The following CUX1 variants were observed in gnomAD, a reference collection of about 807,000 sequenced individuals.
CUX1 encodes the protein protein CASP.
Under a neutral mutation model 158.8 loss-of-function variants are expected in CUX1, and 31 were observed. The ratio of observed to expected loss-of-function variants is 0.20; its 90% CI spans 0.15 to 0.26. The LOEUF (loss-of-function observed/expected upper bound fraction) is 0.26. Ranked by LOEUF, CUX1 falls within the 10% of genes least tolerant of loss-of-function variation. The pLI is 1.00. For synonymous variants in CUX1, 879 were observed against 862.1 expected (o/e 1.02, Z -0.34); for missense variants, 1,589 against 2,014.6 (o/e 0.79, Z 4.04).
chr7:102,196,939 G>A lies in CUX1; in HGVS notation c.1528G>A (p.Gly510Ser). 6.2e-7 allele frequency: 1 copy of A among 1,614,188 alleles called. No homozygotes were observed. Among genetic ancestry groups the A allele is most frequent in the Non-Finnish European group, 8.5e-7 (1 of 1,180,046 alleles). ...AAGCACAAGCATGATTTTTTCAACA[G>A]GTCCATACAGCACAAACTCCATATC... Reference protein sequence around the residue: ...AGSTSMIFSTGPYSTNSISSQ... With the variant: ...AGSTSMIFSTSPYSTNSISSQ... Residue 510 changes from glycine (G) to serine (S), a missense_variant, in exon 15 of 24, where the codon GGT becomes AGT. By Grantham distance (56) the Gly-to-Ser change is moderately conservative (BLOSUM62 0). Transcript: ENST00000292535.
intron 10 of CUX1, 49 bp downstream of exon 10, chr7:102,170,599 C>T: frequency 1.5e-6 from 2 of 1,309,704 alleles, no homozygotes; most frequent in Non-Finnish European, 2.1e-6. Flanking sequence ...GGCCTCCGCA[C>T]CTTCGAGTTA....
chr7:102,225,910 C>T lies in CUX1; in HGVS notation c.3131-1457C>T, dbSNP rs1425755251. On this transcript the variant is annotated intron_variant, in intron 20 of 23. Coordinates refer to ENST00000292535, the MANE Select transcript of CUX1 (RefSeq NM_181552.4). ...CACTGTGGGGTCTTACTCTGTGTCA[C>T]CCTCAGTGGGCATCAGGGGAGAGAT... Among the ~76,000 whole-genome samples the T allele has an allele frequency of 2.6e-5, 4 of 152,366 alleles. No homozygotes were observed. The South Asian group carries it at 6.2e-4, about 24-fold the overall frequency.
At chr7:101,857,861 G>A (rs1054173095) in intron 1 of CUX1, among the ~76,000 whole-genome samples, 11 of 152,112 alleles carry the variant, frequency 7.2e-5, no homozygotes, top group African/African-American at 2.4e-4. Context: ...GGTGGCTCAC[G>A]CCTGTAATCC....
chr7:102,177,648 G>A (rs1554512400), intron 10 of CUX1, among the ~76,000 whole-genome samples: 2 of 151,878 alleles, frequency 1.3e-5, no homozygotes, highest in African/African-American at 4.8e-5. Flanking sequence ...ACGCTCAGCA[G>A]CCCCTCCCCA....
intron 1 of CUX1, among the ~76,000 whole-genome samples, chr7:101,893,785 C>T (rs2131668744): frequency 6.6e-6 from 1 of 152,298 alleles, no homozygotes; most frequent in Non-Finnish European, 1.5e-5. Context: ...AAAAGTGCAT[C>T]TCATGCAGAT....
At chr7:102,064,872 C>G (rs372182374) in intron 3 of CUX1, among the ~76,000 whole-genome samples, 1 of 152,170 alleles carries the variant, frequency 6.6e-6, no homozygotes, top group East Asian at 1.9e-4. Context: ...GAACCCAGCT[C>G]GAGGTCTGGA....
chr7:102,073,766 C>A (rs1464128255), intron 4 of CUX1, among the ~76,000 whole-genome samples: 1 of 151,828 alleles, frequency 6.6e-6, no homozygotes, highest in Non-Finnish European at 1.5e-5. Context: ...TATTATGATT[C>A]TTATTATTAC....
intron 1 of CUX1, among the ~76,000 whole-genome samples, chr7:101,828,405 C>G (rs1467983560): frequency 6.6e-6 from 1 of 152,208 alleles, no homozygotes; most frequent in Admixed American, 6.5e-5. Flanking sequence ...AAAAGATCCA[C>G]ATTTTTAAAA....
chr7:101,917,627 T>G (rs1804373366), intron 2 of CUX1, among the ~76,000 whole-genome samples: 1 of 152,200 alleles, frequency 6.6e-6, no homozygotes, highest in South Asian at 2.1e-4. Context: ...CAGAACGTCC[T>G]TCTTCTGTTG....
chr7:101,975,512 G>T (rs1446903713), intron 2 of CUX1, among the ~76,000 whole-genome samples: 1 of 152,042 alleles, frequency 6.6e-6, no homozygotes. Context: ...AGCTATGATT[G>T]TGTCATGTAC....
chr7:101,956,665 G>A (rs188949205), intron 2 of CUX1, among the ~76,000 whole-genome samples: 1 of 152,308 alleles, frequency 6.6e-6, no homozygotes, highest in African/African-American at 2.4e-5. Flanking sequence ...AGTTAAAGCC[G>A]CCTGGGCACA....
At chr7:102,099,070 G>A (rs1216939837) in intron 5 of CUX1, among the ~76,000 whole-genome samples, 1 of 152,196 alleles carries the variant, frequency 6.6e-6, no homozygotes, top group African/African-American at 2.4e-5. Flanking sequence ...GATGATGTGT[G>A]AAGAGCCAGA....
intron 2 of CUX1, among the ~76,000 whole-genome samples, chr7:102,006,311 C>T (rs939495472): frequency 2.0e-5 from 3 of 152,214 alleles, no homozygotes; most frequent in Admixed American, 6.5e-5. Flanking sequence ...AGGCTCTCTG[C>T]TGACCACGCC....
chr7:101,853,435 C>T (rs767744469), intron 1 of CUX1, among the ~76,000 whole-genome samples: 3 of 152,138 alleles, frequency 2.0e-5, no homozygotes, highest in Non-Finnish European at 4.4e-5. Context: ...CCCAGTTGTG[C>T]GGCTAGACCC....
At chr7:102,240,147 C>A (rs1800033365) in intron 23 of CUX1, among the ~76,000 whole-genome samples, 1 of 152,126 alleles carries the variant, frequency 6.6e-6, no homozygotes, top group Admixed American at 6.5e-5. Flanking sequence ...TCTGCCATGA[C>A]CCAGAAAGAA....
At chr7:101,821,053 C>T (rs1468620606) in intron 1 of CUX1, among the ~76,000 whole-genome samples, 1 of 151,848 alleles carries the variant, frequency 6.6e-6, no homozygotes, top group African/African-American at 2.4e-5. Context: ...GTGTGTGTGC[C>T]GATAATGGAG....
chr7:101,922,679 C>G (rs1397857747), intron 2 of CUX1, among the ~76,000 whole-genome samples: 1 of 152,082 alleles, frequency 6.6e-6, no homozygotes, highest in Admixed American at 6.5e-5. Context: ...AGGGGGGATT[C>G]TAGAGCTTTG....
Position 102,258,040 on chromosome 7 carries a change from G to A in CUX1, c.*8998G>A. ...TTGACCTGGCTGGCGTGGGGGTGGG[G>A]GAGGCACCCGTCGGCCCCTTGGTGT... is the stretch of plus-strand genomic sequence containing the variant. On this transcript the variant is annotated 3_prime_UTR_variant, in exon 24 of 24. Transcript: ENST00000292535. The A allele has an allele frequency of 1.0e-6, 1 of 985,080 alleles. No individual in the cohort carries two copies. The highest frequency in any genetic ancestry group is 1.2e-6 in the Non-Finnish European group (1 of 829,856). 61.0% of individuals were successfully genotyped at this position (985,080 alleles called of 1,614,324 possible).
chr7:102,282,665 G>T, intron 21 of CUX1: 1 of 1,597,750 alleles, frequency 6.3e-7, no homozygotes, highest in Non-Finnish European at 8.5e-7. Context: ...GGCTGCAGGG[G>T]TGGCCTTGAG....
Sources: gnomAD v4.1 joint callset for allele counts (sites outside exome capture counted in the v4.1 genomes callset) on GRCh38, gnomAD v4.1.1 for gene constraint, MANE v1.5 for transcripts, NCBI Gene and HGNC (gene_info 2026-07-23, HGNC 2026-07-21) for gene names.